Variants in STMN2 observed in about 807,000 individuals in gnomAD.
STMN2 encodes the protein stathmin 2.
Under a neutral mutation model 24.1 loss-of-function variants are expected in STMN2, and 2 were observed. The ratio of observed to expected loss-of-function variants is 0.08; its 90% CI spans 0.03 to 0.26. STMN2 has a LOEUF of 0.26. Ranked by LOEUF, STMN2 falls within the 10% of genes least tolerant of loss-of-function variation. The pLI, the probability that STMN2 is intolerant of heterozygous loss-of-function variation, is 1.00. For synonymous variants in STMN2, 83 were observed against 77.5 expected, an observed-to-expected ratio of 1.07 and a Z score of -0.37; for missense variants, 114 against 213.6, an observed-to-expected ratio of 0.53 and a Z score of 2.91.
intron 1 of STMN2, among the ~76,000 whole-genome samples, chr8:79,630,305 T>C (rs1371785748): frequency 6.6e-6 from 1 of 152,210 alleles, no homozygotes; most frequent in Non-Finnish European, 1.5e-5. Context: ...AGTCTCGCAC[T>C]TTTTATTTCT....
chr8:79,613,511 G>GTGGGGGCGA, intron 1 of STMN2: 2 of 985,520 alleles, frequency 2.0e-6, no homozygotes, highest in South Asian at 9.4e-5. Flanking sequence ...AGAATGGGTG[G>GTGGGGGCGA]TGGGGGCGAT....
At chr8:79,619,371 G>GT (rs920131812) in intron 1 of STMN2, among the ~76,000 whole-genome samples, 11 of 152,002 alleles carry the variant, frequency 7.2e-5, no homozygotes, top group African/African-American at 1.9e-4. Context: ...GTCTTTGGAA[G>GT]TTTTTTTTCC....
intron 4 of STMN2, among the ~76,000 whole-genome samples, chr8:79,663,963 T>C (rs1806551195): frequency 1.3e-5 from 2 of 151,964 alleles, no homozygotes; most frequent in African/African-American, 4.8e-5. Flanking sequence ...CAAAGCACTC[T>C]GCTAGGCCCT....
chr8:79,649,306 AG>A (rs1810283960), intron 3 of STMN2, among the ~76,000 whole-genome samples: 3 of 152,034 alleles, frequency 2.0e-5, no homozygotes, highest in Admixed American at 1.3e-4. Flanking sequence ...TTCTCGGTGA[AG>A]AAGAGCACCC....
At chr8:79,631,606 C>A (rs1444931739) in intron 1 of STMN2, among the ~76,000 whole-genome samples, 26 of 151,970 alleles carry the variant, frequency 1.7e-4, no homozygotes, top group Admixed American at 1.6e-3. Flanking sequence ...TACTCATCAA[C>A]CAAAATATTT....
intron 1 of STMN2, chr8:79,631,397 C>T (rs1215353917): frequency 1.0e-6 from 1 of 982,524 alleles, no homozygotes; most frequent in Non-Finnish European, 1.2e-6. Flanking sequence ...CTTTCAAAAC[C>T]TCCCTGGCTT....
chr8:79,613,634 A>T, intron 1 of STMN2: 1 of 985,446 alleles, frequency 1.0e-6, no homozygotes, highest in South Asian at 4.7e-5. Flanking sequence ...TTATTTAATG[A>T]TTCAGTAGCC....
At position 79,643,149 on chromosome 8, in the gene STMN2, G is replaced by GTATATATATATA. The variant is rs201477262; in HGVS notation, c.288+1608_288+1619dup. On this transcript the variant is annotated intron_variant, in intron 3 of 4. Coordinates refer to ENST00000220876, the MANE Select transcript of STMN2 (RefSeq NM_007029.4). Reference sequence around the variant, plus strand: ...AATATTGGTGTGTGTATGTGTGTGTGTATATATATATATATATATAAAATA... The same window carrying GTATATATATATA: ...AATATTGGTGTGTGTATGTGTGTGTGTATATATATATATATATATATATATATATATAAAATA... Among the ~76,000 whole-genome samples the GTATATATATATA allele has an allele frequency of 8.0e-3, 1,118 of 140,040 alleles. 3 individuals carry two copies. Among genetic ancestry groups the GTATATATATATA allele is most frequent in the Non-Finnish European group, 0.011 (700 of 65,274 alleles). 91.9% of individuals were successfully genotyped at this position (140,040 alleles called of 152,430 possible).
chr8:79,664,886 G>A lies in STMN2; in HGVS notation c.*12G>A, dbSNP rs199664953. On this transcript the variant is annotated 3_prime_UTR_variant, in exon 5 of 5. Coordinates refer to ENST00000220876, the MANE Select transcript of STMN2 (RefSeq NM_007029.4). ...AACTGTCTGGCTGAAGCAAGGGAGG[G>A]TCTGGCACGCCCCACCAATAGTAAA... 6.2e-6 allele frequency: 10 copies of A among 1,611,558 alleles called. No individual in the cohort carries two copies. Among genetic ancestry groups the A allele is most frequent in the Non-Finnish European group, 7.6e-6 (9 of 1,178,950 alleles).
chr8:79,646,802 C>G (rs1795005397), intron 3 of STMN2, among the ~76,000 whole-genome samples: 1 of 151,936 alleles, frequency 6.6e-6, no homozygotes, highest in Non-Finnish European at 1.5e-5. Flanking sequence ...GGGGAGATGA[C>G]TAGAAAAATA....
chr8:79,619,610 G>A (rs1809463997), intron 1 of STMN2, among the ~76,000 whole-genome samples: 1 of 152,062 alleles, frequency 6.6e-6, no homozygotes, highest in Non-Finnish European at 1.5e-5. Context: ...AATCATCTCA[G>A]GCACTTTTAG....
chr8:79,663,697 C>T (rs1346167118), intron 4 of STMN2: 7 of 1,418,038 alleles, frequency 4.9e-6, no homozygotes, highest in East Asian at 2.5e-5. Context: ...AATAATACTA[C>T]TAATAATTAG....
chr8:79,652,008 C>T (rs1225197630), intron 3 of STMN2, among the ~76,000 whole-genome samples: 1 of 152,212 alleles, frequency 6.6e-6, no homozygotes, highest in African/African-American at 2.4e-5. Flanking sequence ...TGTTTAACCA[C>T]TGAGCAGAAA....
chr8:79,612,723 G>A (rs1335450621), intron 1 of STMN2, among the ~76,000 whole-genome samples: 1 of 152,206 alleles, frequency 6.6e-6, no homozygotes, highest in Non-Finnish European at 1.5e-5. Context: ...TTGGTTGCAG[G>A]ATGCGGAGAC....
At chr8:79,645,888 T>C (rs747375833) in intron 3 of STMN2, among the ~76,000 whole-genome samples, 1 of 152,208 alleles carries the variant, frequency 6.6e-6, no homozygotes, top group African/African-American at 2.4e-5. Flanking sequence ...TTAGTATATA[T>C]ATGCATATGT....
intron 4 of STMN2, among the ~76,000 whole-genome samples, chr8:79,657,811 C>T (rs1563448888): frequency 6.6e-6 from 1 of 152,172 alleles, no homozygotes; most frequent in Non-Finnish European, 1.5e-5. Context: ...AATGTGTATA[C>T]TAAAACTACT....
rs1381911220 is a variant in STMN2, at chr8:79,655,053, G to T, written c.471G>T (p.Leu157=). ...EANLAAIIER[L]QEKERHAAEV... Reference sequence around the variant, plus strand: ...ATCTAGCTGCTATTATTGAACGTCTGCAGGAAAAGGTAATCTCAGCAGAGT... The same window carrying T: ...ATCTAGCTGCTATTATTGAACGTCTTCAGGAAAAGGTAATCTCAGCAGAGT... Residue 157 remains leucine (L), a synonymous_variant, in exon 4 of 5, where the codon CTG becomes CTT. Coordinates refer to ENST00000220876, the MANE Select transcript of STMN2 (RefSeq NM_007029.4). 1 of 1,613,928 alleles carries T rather than the reference G, an allele frequency of 6.2e-7. No homozygotes were observed. Among genetic ancestry groups the T allele is most frequent in the Non-Finnish European group, 8.5e-7 (1 of 1,179,868 alleles).
chr8:79,625,753 T>A (rs1228056848), intron 1 of STMN2, among the ~76,000 whole-genome samples: 1 of 151,802 alleles, frequency 6.6e-6, no homozygotes, highest in African/African-American at 2.4e-5. Flanking sequence ...AGTTCAGGAG[T>A]TCGAGACCAG....
At chr8:79,617,133 TTGAG>T (rs60546980) in intron 1 of STMN2, among the ~76,000 whole-genome samples, 26,756 of 152,068 alleles carry the variant, frequency 0.18, 3,123 homozygotes, top group East Asian at 0.42. Context: ...TAAGAATTTA[TTGAG>T]TATGACTGTA....
Sources: allele counts gnomAD v4.1 joint callset (sites outside exome capture counted in the v4.1 genomes callset), GRCh38; gene constraint gnomAD v4.1.1; transcripts MANE v1.5; gene names NCBI Gene and HGNC (gene_info 2026-07-23, HGNC 2026-07-21).